CRKL: variants seen among roughly 807,000 people sequenced by gnomAD.
CRKL encodes the protein CRK like proto-oncogene, adaptor protein.
Under a neutral mutation model 23.0 loss-of-function variants are expected in CRKL, and 3 were observed. The ratio of observed to expected loss-of-function variants is 0.13; its 90% CI spans 0.06 to 0.34. CRKL has a LOEUF of 0.34. Ranked by LOEUF, CRKL falls within the 10% of genes least tolerant of loss-of-function variation. The pLI, the probability that CRKL is intolerant of heterozygous loss-of-function variation, is 1.00. For missense variants in CRKL, 256 were observed against 394.5 expected (o/e 0.65, Z 2.97); for synonymous variants, 188 against 160.7 (o/e 1.17, Z -1.28).
chr22:20,927,890 G>A (rs189293111), intron 1 of CRKL, among the ~76,000 whole-genome samples: 3 of 144,668 alleles, frequency 2.1e-5, no homozygotes, highest in Non-Finnish European at 3.0e-5. Flanking sequence ...GCCTGGGCAC[G>A]TTGGCTCATG....
intron 1 of CRKL, among the ~76,000 whole-genome samples, chr22:20,923,476 A>C (rs554857175): frequency 2.0e-5 from 3 of 151,346 alleles, no homozygotes; most frequent in African/African-American, 7.3e-5. Context: ...ACGGGGTTTC[A>C]CCGTGTTAGC....
chr22:20,924,571 A>G (rs1217069195), intron 1 of CRKL, among the ~76,000 whole-genome samples: 2 of 152,146 alleles, frequency 1.3e-5, no homozygotes, highest in Non-Finnish European at 2.9e-5. Context: ...ATACAAGAAC[A>G]TGGCCAGGTG....
At chr22:20,926,254 G>A (rs1023111507) in intron 1 of CRKL, among the ~76,000 whole-genome samples, 1 of 152,160 alleles carries the variant, frequency 6.6e-6, no homozygotes, top group Non-Finnish European at 1.5e-5. Flanking sequence ...AACAATGGGA[G>A]CCATCTAAAG....
At chr22:20,941,118 A>T (rs989382392) in intron 2 of CRKL, among the ~76,000 whole-genome samples, 2 of 152,062 alleles carry the variant, frequency 1.3e-5, no homozygotes, top group Non-Finnish European at 2.9e-5. Flanking sequence ...ACAGGCTCCC[A>T]GTGTAATGGG....
In CRKL at chr22:20,938,312, T is replaced by TTTG. The variant is rs1287755905; in HGVS notation, c.777+4070_777+4072dup. ...AAGTAAAGAGATATTTTAAAACCAG[T>TTTG]TTGTGTTTAGCTATTTTCTTTTCTT... On this transcript the variant is annotated intron_variant, in intron 2 of 2. Transcript: ENST00000354336. Among the ~76,000 whole-genome samples the TTTG allele has an allele frequency of 4.6e-5, 7 of 152,074 alleles. No homozygotes were observed. In the East Asian group the frequency reaches 1.3e-3, roughly 29 times the overall value.
At chr22:20,948,029 G>A (rs762475340) in intron 2 of CRKL, among the ~76,000 whole-genome samples, 19 of 152,062 alleles carry the variant, frequency 1.2e-4, no homozygotes, top group Admixed American at 5.2e-4. Context: ...AAGATTCATT[G>A]TGTATCCCAC....
chr22:20,923,283 T>TG (rs1218648798), intron 1 of CRKL, among the ~76,000 whole-genome samples: 1 of 150,336 alleles, frequency 6.7e-6, no homozygotes, highest in East Asian at 1.9e-4. Context: ...AAAAAAAAAT[T>TG]TTTTTTTTTT....
intron 1 of CRKL, among the ~76,000 whole-genome samples, chr22:20,922,282 A>G (rs1404059473): frequency 6.6e-6 from 1 of 152,022 alleles, no homozygotes; most frequent in African/African-American, 2.4e-5. Context: ...CAGCCTCCCA[A>G]AGTGCTGGGA....
intron 2 of CRKL, among the ~76,000 whole-genome samples, chr22:20,940,082 G>A (rs888645393): frequency 5.3e-5 from 8 of 152,136 alleles, no homozygotes; most frequent in Non-Finnish European, 1.2e-4. Context: ...GAGCCACCAC[G>A]CCCAGCCTCT....
chr22:20,933,631 G>C, intron 1 of CRKL, 148 bp from the exon 2 acceptor site: 1 of 655,940 alleles, frequency 1.5e-6, no homozygotes, highest in Non-Finnish European at 2.5e-6. Flanking sequence ...TCACGCTATT[G>C]CACTCCAGCC....
At chr22:20,941,590 T>TA (rs1921885807) in intron 2 of CRKL, among the ~76,000 whole-genome samples, 2 of 53,234 alleles carry the variant, frequency 3.8e-5, no homozygotes, top group African/African-American at 1.8e-4. Context: ...ATATATATAT[T>TA]TTTTTTTTTT....
chr22:20,941,536 TTATGTGTGTGTGTGTG>T (rs1921872051), intron 2 of CRKL, among the ~76,000 whole-genome samples: 3 of 80,694 alleles, frequency 3.7e-5, no homozygotes, highest in African/African-American at 1.2e-4. Context: ...TATATATATT[TTATGTGTGTGTGTGTG>T]TGTGTGTGTG....
At position 20,917,482 on chromosome 22, in the gene CRKL, TTGGGAACA is replaced by T; in HGVS notation, c.-452_-445del. The T allele has an allele frequency of 4.2e-6, 1 of 237,170 alleles. No homozygotes were observed. Among genetic ancestry groups the T allele is most frequent in the East Asian group, 6.0e-5 (1 of 16,542 alleles). The allele number at this position is 237,170 out of a possible 1,614,324, so 14.7% of individuals were successfully genotyped here. A position where few individuals can be genotyped will look rare whatever the true frequency, so the allele number is the denominator to read the frequency against. On this transcript the variant is annotated 5_prime_UTR_variant, in exon 1 of 3. Coordinates refer to ENST00000354336, the MANE Select transcript of CRKL (RefSeq NM_005207.4). ...GTCCGCCATTTTGTTGCTGTGGCTATTGGGAACAAGCTGGGCAAAAGCACCCCGGAGGC... is the reference window on the plus strand; with the variant it reads ...GTCCGCCATTTTGTTGCTGTGGCTATAGCTGGGCAAAAGCACCCCGGAGGC...
At chr22:20,948,135 A>T (rs188270973) in intron 2 of CRKL, among the ~76,000 whole-genome samples, 1 of 152,348 alleles carries the variant, frequency 6.6e-6, no homozygotes, top group Admixed American at 6.5e-5. Flanking sequence ...AGGTAGGATC[A>T]TGTAGAAAGT....
chr22:20,941,588 ATTTTT>A (rs1198699701), intron 2 of CRKL, among the ~76,000 whole-genome samples: 4 of 33,540 alleles, frequency 1.2e-4, no homozygotes, highest in East Asian at 1.7e-3. Context: ...GTATATATAT[ATTTTT>A]TTTTTTTTTT....
intron 1 of CRKL, among the ~76,000 whole-genome samples, chr22:20,923,179 C>T (rs917418779): frequency 6.6e-5 from 10 of 152,042 alleles, no homozygotes; most frequent in Admixed American, 2.0e-4. Flanking sequence ...GTACTGTACT[C>T]AGCAGACTTT....
At chr22:20,924,474 T>A (rs1569131990) in intron 1 of CRKL, among the ~76,000 whole-genome samples, 1 of 152,232 alleles carries the variant, frequency 6.6e-6, no homozygotes, top group Non-Finnish European at 1.5e-5. Context: ...GTAATTTTAA[T>A]CAGCATAGAA....
At position 20,917,453 on chromosome 22, in the gene CRKL, C is replaced by G. The variant is rs1466047261; in HGVS notation, c.-482C>G. On this transcript the variant is annotated 5_prime_UTR_variant, in exon 1 of 3. Transcript: ENST00000354336. Reference sequence around the variant, plus strand: ...GAGGGGGAGGTGGCTGCCGCTTCTCCCGCGTCCGCCATTTTGTTGCTGTGG... The same window carrying G: ...GAGGGGGAGGTGGCTGCCGCTTCTCGCGCGTCCGCCATTTTGTTGCTGTGG... The G allele has an allele frequency of 4.3e-6, 1 of 230,080 alleles. No individual in the cohort carries two copies. The highest frequency in any genetic ancestry group is 8.6e-6 in the Non-Finnish European group (1 of 116,068). 14.3% of individuals were successfully genotyped at this position (230,080 alleles called of 1,614,324 possible).
chr22:20,924,990 C>T (rs924122435), intron 1 of CRKL, among the ~76,000 whole-genome samples: 2 of 151,636 alleles, frequency 1.3e-5, no homozygotes. Context: ...GAGATCAAGA[C>T]CATCCTGGCC....
Sources: gnomAD v4.1 joint callset for allele counts (sites outside exome capture counted in the v4.1 genomes callset) on GRCh38, gnomAD v4.1.1 for gene constraint, MANE v1.5 for transcripts, NCBI Gene and HGNC (gene_info 2026-07-23, HGNC 2026-07-21) for gene names.